PCDH11X: variants seen among roughly 807,000 people sequenced by gnomAD.
PCDH11X encodes protocadherin 11 X-linked.
PCDH11X carries 18 observed loss-of-function variants against 53.3 expected under a neutral mutation model. That is an observed-to-expected ratio of 0.34 (90% confidence interval 0.23 to 0.50). PCDH11X has a LOEUF of 0.50. Among genes scored for constraint, PCDH11X ranks in the 20% least tolerant of loss-of-function variants. The pLI is 0.98. For missense variants in PCDH11X, 570 were observed against 1,032.4 expected (o/e 0.55, Z 6.14); for synonymous variants, 279 against 393.3 (o/e 0.71, Z 3.44).
chrX:92,164,908 C>T (rs1462647591), intron 6 of PCDH11X, among the ~76,000 whole-genome samples: 1 of 103,958 alleles, frequency 9.6e-6, no homozygotes. Flanking sequence ...TCTGTTTTTG[C>T]CTGCCGCCAT....
intron 6 of PCDH11X, among the ~76,000 whole-genome samples, chrX:92,068,250 A>C (rs2063646406): frequency 9.3e-6 from 1 of 107,534 alleles, no homozygotes; most frequent in South Asian, 3.9e-4. Flanking sequence ...TCACTGAGTT[A>C]TTTATTTGAA....
At chrX:92,514,453 C>T (rs1226853974) in intron 10 of PCDH11X, among the ~76,000 whole-genome samples, 1 of 109,531 alleles carries the variant, frequency 9.1e-6, no homozygotes, top group African/African-American at 3.3e-5. Context: ...TTAAATCGCC[C>T]ACTGGGTGGC....
At chrX:91,972,014 G>T (rs1234034233) in intron 6 of PCDH11X, among the ~76,000 whole-genome samples, 2 of 111,390 alleles carry the variant, frequency 1.8e-5, no homozygotes, top group African/African-American at 6.5e-5. Context: ...GGTGACTATA[G>T]TTAATAACAA....
intron 10 of PCDH11X, among the ~76,000 whole-genome samples, chrX:92,564,160 A>T (rs1193359762): frequency 9.0e-6 from 1 of 110,871 alleles, no homozygotes; most frequent in Non-Finnish European, 1.9e-5. Context: ...CATGGATTGG[A>T]AGAATCAATA....
intron 9 of PCDH11X, among the ~76,000 whole-genome samples, chrX:92,425,540 G>T (rs1282233099): frequency 2.7e-5 from 3 of 109,985 alleles, no homozygotes; most frequent in African/African-American, 6.6e-5. Flanking sequence ...AGAAAAGGTT[G>T]CAGGGGAAGA....
chrX:91,955,786 C>A lies in PCDH11X; in HGVS notation c.3033+76513C>A, dbSNP rs780395183. 3.6e-5 allele frequency among the ~76,000 whole-genome samples: 4 copies of A among 111,653 alleles called. No homozygotes were observed. The South Asian group carries it at 1.5e-3, about 42-fold the overall frequency. On this transcript the variant is annotated intron_variant, in intron 6 of 10. Transcript: ENST00000682573. The stretch of plus-strand genomic sequence containing the variant: ...AGATTTCTATTAGGTCCACTTGATC[C>A]AGAGCTGAGCTCAGGTCCTGAATAT...
intron 10 of PCDH11X, among the ~76,000 whole-genome samples, chrX:92,575,978 G>GTATATATATA (rs1173562560): frequency 1.6e-4 from 3 of 18,452 alleles, no homozygotes; most frequent in Non-Finnish European, 2.5e-4. Flanking sequence ...CACCTGGGGT[G>GTATATATATA]TATATATATA....
At chrX:92,162,443 C>T (rs34972157) in intron 6 of PCDH11X, among the ~76,000 whole-genome samples, 103 of 110,973 alleles carry the variant, frequency 9.3e-4, no homozygotes, top group Non-Finnish European at 1.4e-3. Context: ...CTGCCTCCCT[C>T]GGCCTCTCAA....
intron 10 of PCDH11X, among the ~76,000 whole-genome samples, chrX:92,475,557 A>G (rs1389271386): frequency 8.9e-6 from 1 of 111,790 alleles, no homozygotes; most frequent in African/African-American, 3.3e-5. Context: ...TTGGTGCTCC[A>G]TTGTATGTTA....
chrX:92,348,816 C>T (rs1226939820), intron 8 of PCDH11X, among the ~76,000 whole-genome samples: 1 of 107,225 alleles, frequency 9.3e-6, no homozygotes, highest in African/African-American at 3.4e-5. Flanking sequence ...GATTTACAGG[C>T]GTGAGCCAAC....
chrX:92,313,080 T>C (rs752231980), intron 8 of PCDH11X, among the ~76,000 whole-genome samples: 66 of 112,057 alleles, frequency 5.9e-4, no homozygotes, highest in Middle Eastern at 4.6e-3. Context: ...CAGGAGCTTT[T>C]TCATTAGTCC....
intron 7 of PCDH11X, among the ~76,000 whole-genome samples, chrX:92,214,939 T>C (rs1044539278): frequency 1.3e-4 from 15 of 111,369 alleles, no homozygotes; most frequent in African/African-American, 4.6e-4. Flanking sequence ...TCCCAGCTAC[T>C]TGGGAGGCTG....
chrX:92,365,878 G>T (rs898133652), intron 8 of PCDH11X, among the ~76,000 whole-genome samples: 5 of 109,371 alleles, frequency 4.6e-5, no homozygotes, highest in Admixed American at 3.9e-4. Context: ...TGCTGGATTT[G>T]GTTTTCCAGT....
chrX:91,809,057 AT>A (rs1012251845), intron 1 of PCDH11X, among the ~76,000 whole-genome samples: 4 of 106,249 alleles, frequency 3.8e-5, no homozygotes, highest in African/African-American at 1.4e-4. Context: ...AGTAAATTAT[AT>A]TACTTAGTCT....
At chrX:92,602,998 G>T (rs1926399670) in intron 10 of PCDH11X, among the ~76,000 whole-genome samples, 1 of 100,528 alleles carries the variant, frequency 9.9e-6, no homozygotes, top group Admixed American at 1.1e-4. Flanking sequence ...AGATTTAAAA[G>T]AAACTCTGCT....
intron 6 of PCDH11X, among the ~76,000 whole-genome samples, chrX:92,124,544 T>C (rs1264547292): frequency 2.1e-5 from 2 of 94,394 alleles, no homozygotes; most frequent in African/African-American, 3.9e-5. Flanking sequence ...AAACTCCATT[T>C]AAAAAAAAAA....
At chrX:92,335,054 T>C (rs2069585846) in intron 8 of PCDH11X, among the ~76,000 whole-genome samples, 1 of 109,772 alleles carries the variant, frequency 9.1e-6, no homozygotes, top group Non-Finnish European at 1.9e-5. Context: ...GGTCTAGGGT[T>C]TATAGTCAAT....
At position 91,932,699 on chromosome X, in the gene PCDH11X, TGC is replaced by T. The variant is rs1309284881; in HGVS notation, c.3033+53439_3033+53440del. Among the ~76,000 whole-genome samples, 407 of 92,309 alleles carry T rather than the reference TGC, an allele frequency of 4.4e-3. 1 individual carries two copies. Among genetic ancestry groups the T allele is most frequent in the African/African-American group, 0.014 (312 of 21,696 alleles). 80.2% of individuals were successfully genotyped at this position (92,309 alleles called of 115,157 possible). ...GTGTGTGTGTGTGTGTGTGTGTGTG[TGC>T]GCGCGCGCGCGCCTGAGAAAGAGAT... On this transcript the variant is annotated intron_variant, in intron 6 of 10. Transcript: ENST00000682573.
At chrX:92,005,231 T>C (rs2062579525) in intron 6 of PCDH11X, among the ~76,000 whole-genome samples, 1 of 111,506 alleles carries the variant, frequency 9.0e-6, no homozygotes, top group Non-Finnish European at 1.9e-5. Flanking sequence ...CTTGCCATTT[T>C]CTTATTTATT....
Sources: gnomAD v4.1 joint callset for allele counts (sites outside exome capture counted in the v4.1 genomes callset) on GRCh38, gnomAD v4.1.1 for gene constraint, MANE v1.5 for transcripts, NCBI Gene and HGNC (gene_info 2026-07-23, HGNC 2026-07-21) for gene names.